The following PTPRD variants were observed in gnomAD, a reference collection of about 807,000 sequenced individuals.
PTPRD encodes receptor-type tyrosine-protein phosphatase delta.
In PTPRD, 34 loss-of-function variants were observed where a neutral mutation model predicts 214.5. The ratio of observed to expected loss-of-function variants is 0.16; its 90% CI spans 0.12 to 0.21. The LOEUF (loss-of-function observed/expected upper bound fraction) is 0.21, where lower values mean the gene tolerates loss of function less well. PTPRD is among the 10% of genes least tolerant of loss of function. PTPRD has a pLI of 1.00. For missense variants in PTPRD, 2,545 were observed against 2,398.7 expected (o/e 1.06, Z -1.27); for synonymous variants, 1,128 against 845.7 (o/e 1.33, Z -5.79).
intron 2 of PTPRD, among the ~76,000 whole-genome samples, chr9:10,418,192 A>T (rs2098511307): frequency 6.6e-6 from 1 of 151,888 alleles, no homozygotes; most frequent in African/African-American, 2.4e-5. Context: ...TTCTTCACTG[A>T]CAAAAGCATT....
chr9:9,530,249 C>G (rs1177861810), intron 8 of PTPRD, among the ~76,000 whole-genome samples: 1 of 152,042 alleles, frequency 6.6e-6, no homozygotes, highest in Non-Finnish European at 1.5e-5. Context: ...CAATGAAACA[C>G]TTTCCAGACA....
At position 9,903,914 on chromosome 9, in the gene PTPRD, A is replaced by G. The variant is rs535788283; in HGVS notation, c.-368+34593T>C. Among the ~76,000 whole-genome samples the G allele has an allele frequency of 3.3e-5, 5 of 152,278 alleles. 1 individual carries two copies. The highest frequency in any genetic ancestry group is 1.2e-4 in the African/African-American group (5 of 41,570). On this transcript the variant is annotated intron_variant, in intron 5 of 45. Coordinates refer to ENST00000381196, the MANE Select transcript of PTPRD (RefSeq NM_002839.4). ...CTCGGTTTTCAAAATGTGTCAATCA[A>G]CTAATAGGGTCATTGACTCACAACC...
chr9:8,845,634 T>C (rs1312443260), intron 11 of PTPRD, among the ~76,000 whole-genome samples: 1 of 152,232 alleles, frequency 6.6e-6, no homozygotes, highest in Non-Finnish European at 1.5e-5. Flanking sequence ...CAAGATTAGA[T>C]ACTGCAAATC....
At chr9:10,142,766 C>T (rs1300728833) in intron 3 of PTPRD, among the ~76,000 whole-genome samples, 3 of 148,758 alleles carry the variant, frequency 2.0e-5, no homozygotes, top group South Asian at 4.4e-4. Context: ...CCAGCCATCC[C>T]ATTACTGGGT....
At chr9:8,537,365 A>G (rs2077205366) in intron 14 of PTPRD, among the ~76,000 whole-genome samples, 1 of 152,064 alleles carries the variant, frequency 6.6e-6, no homozygotes. Context: ...CAGTTAATAC[A>G]TGACATTCCA....
intron 3 of PTPRD, among the ~76,000 whole-genome samples, chr9:10,223,877 T>C (rs2099580041): frequency 6.6e-6 from 1 of 151,590 alleles, no homozygotes; most frequent in African/African-American, 2.4e-5. Flanking sequence ...AATAAACAAC[T>C]TAATCTATAC....
At chr9:8,378,960 G>A (rs1276079517) in intron 37 of PTPRD, among the ~76,000 whole-genome samples, 1 of 151,896 alleles carries the variant, frequency 6.6e-6, no homozygotes, top group Non-Finnish European at 1.5e-5. Flanking sequence ...GTTTCAAACT[G>A]CAACTATTAT....
At chr9:9,137,026 G>C (rs2099851970) in intron 10 of PTPRD, among the ~76,000 whole-genome samples, 1 of 152,102 alleles carries the variant, frequency 6.6e-6, no homozygotes, top group Non-Finnish European at 1.5e-5. Context: ...TAACTATAAA[G>C]CATTAGCTTT....
intron 9 of PTPRD, among the ~76,000 whole-genome samples, chr9:9,388,793 C>T (rs1370539052): frequency 2.0e-5 from 3 of 151,960 alleles, no homozygotes. Context: ...GTTAATTTCT[C>T]CAAGATAATT....
intron 2 of PTPRD, among the ~76,000 whole-genome samples, chr9:10,440,883 C>T (rs2098753640): frequency 6.6e-6 from 1 of 151,692 alleles, no homozygotes; most frequent in Non-Finnish European, 1.5e-5. Flanking sequence ...TAGAAAGATA[C>T]TGAAATTTGG....
At chr9:9,398,819 C>G (rs1040463353) in intron 8 of PTPRD, among the ~76,000 whole-genome samples, 4 of 151,854 alleles carry the variant, frequency 2.6e-5, no homozygotes, top group Admixed American at 6.6e-5. Context: ...TGAACGTGGT[C>G]ACCCCAGCAC....
intron 7 of PTPRD, among the ~76,000 whole-genome samples, chr9:9,674,057 A>G (rs1257515130): frequency 1.3e-5 from 2 of 151,898 alleles, no homozygotes; most frequent in African/African-American, 4.8e-5. Context: ...AAAATAATAC[A>G]AGAAAGATAG....
intron 2 of PTPRD, among the ~76,000 whole-genome samples, chr9:10,354,748 G>C (rs954578158): frequency 3.3e-5 from 5 of 151,990 alleles, no homozygotes; most frequent in African/African-American, 1.2e-4. Flanking sequence ...CATTTCTTTT[G>C]TCACTTCCAT....
At chr9:10,548,455 A>T (rs1033715321) in intron 2 of PTPRD, among the ~76,000 whole-genome samples, 11 of 152,152 alleles carry the variant, frequency 7.2e-5, no homozygotes, top group Admixed American at 2.6e-4. Context: ...GAGCTTAAGT[A>T]CTTGAAAATG....
chr9:8,715,111 G>A lies in PTPRD; in HGVS notation c.64+18669C>T, dbSNP rs189808424. Among the ~76,000 whole-genome samples, 369 of 151,734 alleles carry A rather than the reference G, an allele frequency of 2.4e-3. 2 individuals carry two copies. Among genetic ancestry groups the A allele is most frequent in the African/African-American group, 8.2e-3 (338 of 41,370 alleles). On this transcript the variant is annotated intron_variant, in intron 12 of 45. Transcript: ENST00000381196. ...CTGAACAATATCTGTGAGTTAAAATGTGAATGCACAAAAGATCTATGAAAA... is the reference window on the plus strand; with the variant it reads ...CTGAACAATATCTGTGAGTTAAAATATGAATGCACAAAAGATCTATGAAAA...
intron 3 of PTPRD, among the ~76,000 whole-genome samples, chr9:10,189,006 T>G (rs1038871504): frequency 2.2e-4 from 34 of 152,188 alleles, no homozygotes; most frequent in African/African-American, 7.7e-4. Context: ...TATTCCAGTT[T>G]CCATTACTTT....
chr9:9,547,062 G>T (rs1230893091), intron 8 of PTPRD, among the ~76,000 whole-genome samples: 1 of 151,924 alleles, frequency 6.6e-6, no homozygotes, highest in Non-Finnish European at 1.5e-5. Context: ...ATGCTTGTAT[G>T]CTTGGTAACA....
At chr9:9,689,183 AC>A (rs763752481) in intron 7 of PTPRD, among the ~76,000 whole-genome samples, 8 of 151,816 alleles carry the variant, frequency 5.3e-5, no homozygotes, top group Admixed American at 6.6e-5. Context: ...ACGACCAGAG[AC>A]TACTTATTTA....
At chr9:9,360,827 T>G (rs1039229641) in intron 9 of PTPRD, among the ~76,000 whole-genome samples, 5 of 151,130 alleles carry the variant, frequency 3.3e-5, no homozygotes, top group African/African-American at 1.2e-4. Flanking sequence ...TGTGAGGAAG[T>G]GGATTTGATA....
Sources: allele counts gnomAD v4.1 joint callset (sites outside exome capture counted in the v4.1 genomes callset), GRCh38; gene constraint gnomAD v4.1.1; transcripts MANE v1.5; gene names NCBI Gene and HGNC (gene_info 2026-07-23, HGNC 2026-07-21).